Variants in CNTN4 observed in about 807,000 individuals in gnomAD.
CNTN4 encodes contactin-4.
Under a neutral mutation model 122.5 loss-of-function variants are expected in CNTN4, and 77 were observed. The observed-to-expected ratio is 0.63, with a 90% confidence interval of 0.52 to 0.76. The LOEUF is 0.76. Among genes scored for constraint, CNTN4 ranks in the 30% least tolerant of loss-of-function variants. The probability of loss-of-function intolerance (pLI) is 0.00; values close to 1 mark genes in which losing one functional copy is unlikely to be tolerated. For synonymous variants in CNTN4, 512 were observed against 447.0 expected (o/e 1.15, Z -1.83); for missense variants, 1,256 against 1,259.1 (o/e 1.00, Z 0.04).
In CNTN4 at chr3:2,385,757, A is replaced by G. The variant is rs75637644; in HGVS notation, c.-89+46524A>G. Among the ~76,000 whole-genome samples, 3,662 of 152,112 alleles carry G rather than the reference A, an allele frequency of 0.024. 153 individuals are homozygous for G. The highest frequency in any genetic ancestry group is 0.084 in the African/African-American group (3,468 of 41,508). The stretch of plus-strand genomic sequence containing the variant: ...CATAAGGACATAAGTCTTATTGGAT[A>G]TGACCTATCCTAATGAACTCATCTT... On this transcript the variant is annotated intron_variant, in intron 3 of 24. Coordinates refer to ENST00000418658, the MANE Select transcript of CNTN4 (RefSeq NM_175607.3). The surrounding 1 kb of genome is among the most constrained non-coding windows in gnomAD (Gnocchi z 4.0).
chr3:2,515,457 A>G (rs2077013340), intron 3 of CNTN4, among the ~76,000 whole-genome samples: 1 of 152,168 alleles, frequency 6.6e-6, no homozygotes, highest in South Asian at 2.1e-4. Flanking sequence ...GAATGATTTG[A>G]TTTTTCTGTA....
At position 2,745,548 on chromosome 3, in the gene CNTN4, A is replaced by C. The variant is rs1175882870; in HGVS notation, c.209A>C (p.Asp70Ala). The C allele has an allele frequency of 6.2e-7, 1 of 1,614,120 alleles. No homozygotes were observed. The highest frequency in any genetic ancestry group is 1.7e-5 in the Admixed American group (1 of 60,022). Reference protein sequence around the residue: ...IRWKLNGTDVDTGMDFRYSVV... With the variant: ...IRWKLNGTDVATGMDFRYSVV... ...TGGAAGTTAAATGGAACAGATGTTG[A>C]CACTGGTATGGATTTCCGCTACAGT... is the stretch of plus-strand genomic sequence containing the variant. Residue 70 changes from aspartate (D) to alanine (A), a missense_variant, in exon 6 of 25, where the codon GAC (aspartate) becomes GCC (alanine). Asp to Ala is a moderately radical substitution (Grantham distance 126). Transcript: ENST00000418658.
intron 13 of CNTN4, among the ~76,000 whole-genome samples, chr3:2,984,414 C>T (rs576649399): frequency 4.6e-5 from 7 of 152,202 alleles, no homozygotes; most frequent in East Asian, 3.9e-4. Flanking sequence ...ATTGTCATGA[C>T]GTGGGGAAGG....
At chr3:2,402,028 A>C (rs141973546) in intron 3 of CNTN4, among the ~76,000 whole-genome samples, 165 of 152,236 alleles carry the variant, frequency 1.1e-3, no homozygotes, top group African/African-American at 3.5e-3. Context: ...AATCTGACAA[A>C]GATGAGGTCT....
chr3:2,953,873 C>G (rs926295311), intron 13 of CNTN4, among the ~76,000 whole-genome samples: 1 of 152,100 alleles, frequency 6.6e-6, no homozygotes, highest in African/African-American at 2.4e-5. Flanking sequence ...TTCATTCATT[C>G]AAATATTATT....
chr3:2,806,037 G>A (rs552543076), intron 6 of CNTN4, among the ~76,000 whole-genome samples: 1 of 152,114 alleles, frequency 6.6e-6, no homozygotes, highest in African/African-American at 2.4e-5. Flanking sequence ...GAGTAGCTGG[G>A]ACTACAGGTG....
intron 3 of CNTN4, among the ~76,000 whole-genome samples, chr3:2,556,564 A>C (rs1361210666): frequency 6.6e-6 from 1 of 152,094 alleles, no homozygotes; most frequent in Non-Finnish European, 1.5e-5. Flanking sequence ...CACACAACAA[A>C]TTATACTGTT....
chr3:2,581,600 G>T (rs2079939590), intron 4 of CNTN4, among the ~76,000 whole-genome samples: 1 of 152,104 alleles, frequency 6.6e-6, no homozygotes, highest in Non-Finnish European at 1.5e-5. Flanking sequence ...TCAGAGTCTT[G>T]TATTTAGAAA....
At chr3:3,026,328 T>A in intron 15 of CNTN4, 51 bp downstream of exon 15, 1 of 1,440,898 alleles carries the variant, frequency 6.9e-7, no homozygotes. Flanking sequence ...TAGACCAACT[T>A]AACAATATAT....
At chr3:2,912,659 T>G (rs2094313483) in intron 12 of CNTN4, among the ~76,000 whole-genome samples, 1 of 152,230 alleles carries the variant, frequency 6.6e-6, no homozygotes, top group East Asian at 1.9e-4. Context: ...AGGTAATTTG[T>G]GTCATCAGTA....
At chr3:2,117,077 T>C (rs2033405932) in intron 2 of CNTN4, among the ~76,000 whole-genome samples, 2 of 152,244 alleles carry the variant, frequency 1.3e-5, no homozygotes, top group South Asian at 4.1e-4. Flanking sequence ...TAGTCTCAGA[T>C]CACAGAGGTT....
intron 4 of CNTN4, among the ~76,000 whole-genome samples, chr3:2,616,467 G>T (rs2081743836): frequency 6.6e-6 from 1 of 152,156 alleles, no homozygotes; most frequent in Non-Finnish European, 1.5e-5. Context: ...ATAGTAGAAT[G>T]ATTTATATTC....
At chr3:2,160,828 C>A (rs562464631) in intron 2 of CNTN4, among the ~76,000 whole-genome samples, 1 of 152,094 alleles carries the variant, frequency 6.6e-6, no homozygotes, top group South Asian at 2.1e-4. Context: ...CACATTTGGT[C>A]CATAAATTCA....
At chr3:2,125,894 GGT>G (rs61706367) in intron 2 of CNTN4, among the ~76,000 whole-genome samples, 3,869 of 143,270 alleles carry the variant, frequency 0.027, 71 homozygotes, top group African/African-American at 0.066. Flanking sequence ...TTTTATTTCT[GGT>G]GTGTGTGTGT....
At chr3:2,609,200 G>A (rs755015737) in intron 4 of CNTN4, among the ~76,000 whole-genome samples, 23 of 152,224 alleles carry the variant, frequency 1.5e-4, no homozygotes, top group Non-Finnish European at 2.5e-4. Context: ...GAGATATTAA[G>A]CAGTGTGGCC....
chr3:2,246,168 A>G (rs1055888512), intron 2 of CNTN4, among the ~76,000 whole-genome samples: 5 of 151,968 alleles, frequency 3.3e-5, no homozygotes, highest in African/African-American at 1.2e-4. Flanking sequence ...TTTTAAAAAA[A>G]ATATCATACA....
chr3:2,896,499 A>C (rs1243942059), intron 10 of CNTN4, among the ~76,000 whole-genome samples: 1 of 152,140 alleles, frequency 6.6e-6, no homozygotes, highest in Non-Finnish European at 1.5e-5. Flanking sequence ...CTGAAATCCA[A>C]CATGCATATT....
Position 2,638,835 on chromosome 3 carries a change from T to G in CNTN4, c.55+67277T>G, listed in dbSNP as rs145938145. On this transcript the variant is annotated intron_variant, in intron 4 of 24. Coordinates refer to ENST00000418658, the MANE Select transcript of CNTN4 (RefSeq NM_175607.3). ...AACCTTAAATTCTTTTAAATTTGTT[T>G]GCTTTCTCTCATGTCCCTCAGCCAA... Among the ~76,000 whole-genome samples, 156 of 152,314 alleles carry G rather than the reference T, an allele frequency of 1.0e-3. 1 individual carries two copies. Among genetic ancestry groups the G allele is most frequent in the Non-Finnish European group, 1.9e-3 (126 of 68,024 alleles).
intron 3 of CNTN4, among the ~76,000 whole-genome samples, chr3:2,407,293 C>T (rs575415375): frequency 6.6e-6 from 1 of 152,186 alleles, no homozygotes; most frequent in African/African-American, 2.4e-5. Context: ...TGAGATTAAT[C>T]AGTTGTCAAA....
Sources: allele counts gnomAD v4.1 joint callset (sites outside exome capture counted in the v4.1 genomes callset), GRCh38; gene constraint gnomAD v4.1.1; non-coding constraint Gnocchi (gnomAD v3.1); transcripts MANE v1.5; gene names NCBI Gene and HGNC (gene_info 2026-07-23, HGNC 2026-07-21).